Variants in NBN observed in about 807,000 individuals in gnomAD.
NBN encodes nibrin, also known as Nijmegen breakage syndrome 1 (nibrin).
A neutral mutation model predicts 90.8 loss-of-function variants in NBN; 88 were observed. The ratio of observed to expected loss-of-function variants is 0.97; its 90% CI spans 0.82 to 1.16. The LOEUF is 1.16. Among genes scored for constraint, NBN ranks in the 50% most tolerant of loss-of-function variants. The pLI, the probability that NBN is intolerant of heterozygous loss-of-function variation, is 0.00. For synonymous variants in NBN, 328 were observed against 295.1 expected (o/e 1.11, Z -1.14); for missense variants, 894 against 869.6 (o/e 1.03, Z -0.35).
rs116735828 is a variant in NBN, at chr8:89,984,520, C to T, written c.37+5G>A. The T allele has an allele frequency of 1.9e-3, 3,076 of 1,612,808 alleles. 29 individuals carry two copies. The African/African-American group carries it at 0.023, about 12-fold the overall frequency. On this transcript the variant is annotated splice_donor_5th_base_variant and intron_variant, in intron 1 of 15. Transcript: ENST00000265433. Reference sequence around the variant, plus strand: ...TAGGCCCCGAGGCTTCCCTTCTGCCCTTACCTCCTGCCGGGCCCGCGGCGG... The same window carrying T: ...TAGGCCCCGAGGCTTCCCTTCTGCCTTTACCTCCTGCCGGGCCCGCGGCGG...
In NBN at chr8:89,971,294, TA is replaced by T; in HGVS notation, c.585-5del. ...TTCATCAAGAGGTGGGTAAAAACTG[TA>T]AAAATAATTAAAGTATATTCTAATT... On this transcript the variant is annotated splice_polypyrimidine_tract_variant and splice_region_variant and intron_variant, in intron 5 of 15. Transcript: ENST00000265433. 6.2e-7 allele frequency: 1 copy of T among 1,606,004 alleles called. No individual in the cohort carries two copies. Among genetic ancestry groups the T allele is most frequent in the Non-Finnish European group, 8.5e-7 (1 of 1,174,628 alleles).
intron 7 of NBN, among the ~76,000 whole-genome samples, chr8:89,969,109 T>C (rs567400261): frequency 6.6e-6 from 1 of 152,214 alleles, no homozygotes; most frequent in South Asian, 2.1e-4. Context: ...CTGTGGACTT[T>C]TCAGGCATAT....
At position 89,947,351 on chromosome 8, in the gene NBN, C is replaced by T. The variant is rs1349994631; in HGVS notation, c.1914+473G>A. 5.3e-5 allele frequency among the ~76,000 whole-genome samples: 8 copies of T among 152,186 alleles called. No individual in the cohort carries two copies. The South Asian group carries it at 6.2e-4, about 12-fold the overall frequency. The stretch of plus-strand genomic sequence containing the variant: ...TGGTTATAATACGATCTATCCAGGC[C>T]GTGCATGGTGGCTCAAGCCTGTAAT... On this transcript the variant is annotated intron_variant, in intron 12 of 15. Coordinates refer to ENST00000265433, the MANE Select transcript of NBN (RefSeq NM_002485.5).
chr8:89,964,503 C>G lies in NBN; in HGVS notation c.901G>C (p.Gly301Arg), dbSNP rs1280333137. 6.3e-7 allele frequency: 1 copy of G among 1,589,186 alleles called. No homozygotes were observed. Among genetic ancestry groups the G allele is most frequent in the Admixed American group, 1.7e-5 (1 of 59,976 alleles). The change falls in exon 8 of 16, where the codon GGT (glycine) becomes CGT (arginine). Residue 301 changes from glycine to arginine, a missense_variant. Transcript: ENST00000265433. ...TCTGCTTCAGGAATAGGTCTAAGAC[C>G]TTGCCTATTAGAATAAAATAGTTTA... Reference protein sequence around the residue: ...QSIMDMLQRQGLRPIPEAEIG... With the variant: ...QSIMDMLQRQRLRPIPEAEIG...
intron 5 of NBN, among the ~76,000 whole-genome samples, chr8:89,976,913 A>AT (rs1019247471): frequency 5.9e-5 from 9 of 152,182 alleles, no homozygotes; most frequent in African/African-American, 2.2e-4. Flanking sequence ...GGAAAACCTG[A>AT]TTTTTTATTA....
intron 10 of NBN, among the ~76,000 whole-genome samples, chr8:89,954,210 T>C (rs921770566): frequency 2.0e-5 from 3 of 152,134 alleles, no homozygotes; most frequent in Non-Finnish European, 4.4e-5. Context: ...GTATCATTCA[T>C]TCAATAAATA....
intron 11 of NBN, among the ~76,000 whole-genome samples, chr8:89,951,683 G>C (rs779310856): frequency 2.6e-5 from 4 of 152,026 alleles, no homozygotes; most frequent in Admixed American, 1.3e-4. Flanking sequence ...CGACAGAAGT[G>C]ACTTATAGAA....
intron 12 of NBN, 26 bp from the exon 13 acceptor site, chr8:89,946,321 T>A (rs1009173754): frequency 6.5e-7 from 1 of 1,549,450 alleles, no homozygotes; most frequent in Middle Eastern, 1.7e-4. Flanking sequence ...GATGGATAGG[T>A]AAGAAAGAGA....
Position 89,955,504 on chromosome 8 carries a change from T to C in NBN, c.1176A>G (p.Lys392=). Residue 392 remains lysine (K), a synonymous_variant, in exon 10 of 16, where the codon AAA becomes AAG. Coordinates refer to ENST00000265433, the MANE Select transcript of NBN (RefSeq NM_002485.5). The part of the protein sequence containing the change: ...KEIKVSKMEQ[K]FRMLSQDAPT... ...GTGCATCTTGTGAAAGCATTCTGAA[T>C]TTTTGTTCCATTTTGGAGACTTTGA... 1.2e-6 allele frequency: 2 copies of C among 1,613,662 alleles called. No individual in the cohort carries two copies. The highest frequency in any genetic ancestry group is 1.7e-6 in the Non-Finnish European group (2 of 1,179,746).
In NBN at chr8:89,964,379, T is replaced by C. The variant is rs766358204; in HGVS notation, c.994+31A>G. 19 of 1,611,450 alleles carry C rather than the reference T, an allele frequency of 1.2e-5. 1 individual carries two copies. Among genetic ancestry groups the C allele is most frequent in the South Asian group, 8.8e-5 (8 of 91,032 alleles). ...TTATCGATTTACATAATAAAGTTGCTAACGAATCAATAAAATAATGCTTCA... is the reference window on the plus strand; with the variant it reads ...TTATCGATTTACATAATAAAGTTGCCAACGAATCAATAAAATAATGCTTCA... On this transcript the variant is annotated intron_variant, in intron 8 of 15. Transcript: ENST00000265433.
Position 89,980,895 on chromosome 8 carries a change from T to C in NBN, c.321-2A>G, listed in dbSNP as rs587777931. The C allele has an allele frequency of 6.2e-7, 1 of 1,611,926 alleles. No individual in the cohort carries two copies. Among genetic ancestry groups the C allele is most frequent in the Non-Finnish European group, 8.5e-7 (1 of 1,178,890 alleles). Reference sequence around the variant, plus strand: ...GCAACCAAAGGCTCATACTCTATTCTGTAAATGAGAATAAGTTAAATAAAG... The same window carrying C: ...GCAACCAAAGGCTCATACTCTATTCCGTAAATGAGAATAAGTTAAATAAAG... On this transcript the variant is annotated splice_acceptor_variant, in intron 3 of 15. Transcript: ENST00000265433. LOFTEE classifies it high-confidence loss of function.
intron 7 of NBN, among the ~76,000 whole-genome samples, chr8:89,967,926 A>T (rs1811327548): frequency 6.6e-6 from 1 of 152,122 alleles, no homozygotes; most frequent in South Asian, 2.1e-4. Flanking sequence ...ATTTTAAGTG[A>T]CAGTCTTTCT....
chr8:89,964,279 A>G, intron 8 of NBN, 131 bp downstream of exon 8: 2 of 1,007,952 alleles, frequency 2.0e-6, no homozygotes, highest in Non-Finnish European at 1.5e-6. Flanking sequence ...AATAAATGAA[A>G]GTATAAATGG....
chr8:89,940,388 G>A (rs2130747824), intron 14 of NBN, among the ~76,000 whole-genome samples: 2 of 152,206 alleles, frequency 1.3e-5, no homozygotes, highest in South Asian at 2.1e-4. Flanking sequence ...AAGTGCTGGG[G>A]TTATAGTCAT....
chr8:89,954,617 C>T (rs946289767), intron 10 of NBN, among the ~76,000 whole-genome samples: 1 of 151,682 alleles, frequency 6.6e-6, no homozygotes, highest in African/African-American at 2.4e-5. Flanking sequence ...CATGAAACCC[C>T]TGTGGAAAAG....
rs1043006626 is a variant in NBN at position 89,933,581 on chromosome 8, G to C, written c.*2001C>G. The C allele has an allele frequency of 6.9e-5, 16 of 231,622 alleles. No individual in the cohort carries two copies. Among genetic ancestry groups the C allele is most frequent in the African/African-American group, 3.5e-4 (16 of 45,178 alleles). The allele number at this position is 231,622 out of a possible 1,614,324, so 14.3% of individuals were successfully genotyped here. A position where few individuals can be genotyped will look rare whatever the true frequency, so the allele number is the denominator to read the frequency against. On this transcript the variant is annotated 3_prime_UTR_variant, in exon 16 of 16. Transcript: ENST00000265433. ...TGTTACAATGACTGGATACTTGTAT[G>C]GGGGAAAAAAAGAACCCTGATCCAT... is the stretch of plus-strand genomic sequence containing the variant.
intron 4 of NBN, among the ~76,000 whole-genome samples, 196 bp from the exon 5 acceptor site, chr8:89,978,519 C>A (rs1379881486): frequency 6.6e-6 from 1 of 152,140 alleles, no homozygotes. Context: ...TATTTTAGAA[C>A]ATAAATCACA....
chr8:89,950,525 C>T (rs1810399137), intron 11 of NBN, among the ~76,000 whole-genome samples: 1 of 152,008 alleles, frequency 6.6e-6, no homozygotes, highest in Non-Finnish European at 1.5e-5. Context: ...TACAGAGGGC[C>T]AACTGTATCT....
intron 13 of NBN, among the ~76,000 whole-genome samples, chr8:89,944,907 C>A (rs1324964361): frequency 2.6e-5 from 4 of 152,146 alleles, no homozygotes; most frequent in African/African-American, 9.7e-5. Flanking sequence ...AGAACTCAGA[C>A]AAATTCCTGC....
Sources: allele counts gnomAD v4.1 joint callset (sites outside exome capture counted in the v4.1 genomes callset), GRCh38; gene constraint gnomAD v4.1.1; transcripts MANE v1.5; gene names NCBI Gene and HGNC (gene_info 2026-07-23, HGNC 2026-07-21).